The following IL1RN variants were observed in gnomAD, a reference collection of about 807,000 sequenced individuals.
The protein encoded by IL1RN is interleukin 1 receptor antagonist.
In IL1RN, 10 loss-of-function variants were observed where a neutral mutation model predicts 13.7. The observed-to-expected ratio is 0.73, with a 90% CI of 0.45 to 1.24. IL1RN has a LOEUF of 1.24. IL1RN is among the 50% of genes most tolerant of loss of function. IL1RN has a pLI of 0.00. For missense variants in IL1RN, 213 were observed against 222.1 expected (o/e 0.96, Z 0.26); for synonymous variants, 102 against 82.7 (o/e 1.23, Z -1.27).
upstream of IL1RN, among the ~76,000 whole-genome samples, chr2:113,103,299 TAA>T (rs1338178281): frequency 6.6e-6 from 1 of 152,196 alleles, no homozygotes; most frequent in Non-Finnish European, 1.5e-5. Flanking sequence ...TAGAGTCAAT[TAA>T]AGTGTTACCT....
chr2:113,108,259 T>C (rs1686417199), upstream of IL1RN, among the ~76,000 whole-genome samples: 2 of 151,888 alleles, frequency 1.3e-5, no homozygotes. Context: ...GGGTTATAAA[T>C]TTTTTTTATT....
chr2:113,099,799 A>C, the IL1RN span, among the ~76,000 whole-genome samples: 2 of 117,792 alleles, frequency 1.7e-5, no homozygotes, highest in Non-Finnish European at 3.3e-5. Flanking sequence ...CAGTGGCGGG[A>C]TCTCGGCTCA....
chr2:113,108,440 C>T (rs315926), upstream of IL1RN, among the ~76,000 whole-genome samples: 119,338 of 148,938 alleles, frequency 0.8, 48,400 homozygotes, highest in Non-Finnish European at 0.85. Context: ...CCCCAGTGTG[C>T]GATGTTCCCC....
chr2:113,119,817 A>C (rs765335125), intron 1 of IL1RN, among the ~76,000 whole-genome samples: 7 of 152,182 alleles, frequency 4.6e-5, no homozygotes, highest in Non-Finnish European at 1.0e-4. Flanking sequence ...TGGGTAGAGG[A>C]ACCACATTCT....
At chr2:113,127,981 C>A (rs1687024817) in intron 1 of IL1RN, among the ~76,000 whole-genome samples, 1 of 152,214 alleles carries the variant, frequency 6.6e-6, no homozygotes, top group African/African-American at 2.4e-5. Context: ...GACTCAGGAA[C>A]CCAGTGAGTA....
At chr2:113,100,333 A>T in the IL1RN span, among the ~76,000 whole-genome samples, 1 of 150,904 alleles carries the variant, frequency 6.6e-6, no homozygotes, top group Admixed American at 6.6e-5. Flanking sequence ...CTCAAAAAAA[A>T]AAAAAAAAGG....
At chr2:113,132,054 G>T (rs579543) in intron 3 of IL1RN, among the ~76,000 whole-genome samples, 1 of 152,078 alleles carries the variant, frequency 6.6e-6, no homozygotes, top group Non-Finnish European at 1.5e-5. Flanking sequence ...TGATGGTGCC[G>T]TGTATTTACC....
upstream of IL1RN, among the ~76,000 whole-genome samples, chr2:113,125,075 T>A (rs1380831109): frequency 2.0e-5 from 3 of 152,190 alleles, no homozygotes; most frequent in African/African-American, 7.2e-5. Flanking sequence ...GCAAGCCACT[T>A]CTCTTCTGCA....
upstream of IL1RN, among the ~76,000 whole-genome samples, chr2:113,125,128 C>T (rs764329285): frequency 6.6e-5 from 10 of 152,164 alleles, no homozygotes; most frequent in Non-Finnish European, 7.3e-5. Flanking sequence ...CTTCCAATTC[C>T]GGAGGGTTGA....
chr2:113,132,987 G>C lies in IL1RN; in HGVS notation c.*116G>C. 1.0e-6 allele frequency: 1 copy of C among 996,066 alleles called. No individual in the cohort carries two copies. The highest frequency in any genetic ancestry group is 1.6e-6 in the Non-Finnish European group (1 of 631,076). The allele number at this position is 996,066 out of a possible 1,614,324, so 61.7% of individuals were successfully genotyped here. ...CACTGAGGACCAGCCATTGAGGGGT[G>C]GACCCTCAGAAGGCGTCACAACAAC... is the stretch of plus-strand genomic sequence containing the variant. On this transcript the variant is annotated 3_prime_UTR_variant, in exon 4 of 4. Coordinates refer to ENST00000409930, the MANE Select transcript of IL1RN (RefSeq NM_173842.3).
upstream of IL1RN, among the ~76,000 whole-genome samples, chr2:113,124,962 G>A (rs1414619460): frequency 6.6e-6 from 1 of 152,126 alleles, no homozygotes; most frequent in East Asian, 1.9e-4. Flanking sequence ...TTCAGACTGG[G>A]GTCAGAGAAA....
intron 3 of IL1RN, among the ~76,000 whole-genome samples, chr2:113,131,542 C>T (rs4252019): frequency 0.25 from 37,509 of 151,906 alleles, 6,211 homozygotes; most frequent in East Asian, 0.58. Context: ...GTCTAGCCCC[C>T]TGTGAGAGGA....
upstream of IL1RN, among the ~76,000 whole-genome samples, chr2:113,113,689 C>T (rs757743126): frequency 2.6e-5 from 4 of 152,090 alleles, no homozygotes; most frequent in Non-Finnish European, 5.9e-5. Flanking sequence ...GTATACTTAT[C>T]CCCAAACTAA....
intron 2 of IL1RN, among the ~76,000 whole-genome samples, chr2:113,120,713 C>T (rs1471281147): frequency 1.3e-5 from 2 of 152,124 alleles, no homozygotes; most frequent in Non-Finnish European, 2.9e-5. Flanking sequence ...TACCAAAAAT[C>T]CTCCCCAAAT....
At chr2:113,129,278 T>A (rs1212699870) in intron 1 of IL1RN, among the ~76,000 whole-genome samples, 2 of 152,166 alleles carry the variant, frequency 1.3e-5, no homozygotes, top group African/African-American at 2.4e-5. Context: ...ATGTTGCTGC[T>A]CTACAGCATG....
chr2:113,123,362 C>T (rs554670130), upstream of IL1RN, among the ~76,000 whole-genome samples: 118 of 152,280 alleles, frequency 7.7e-4, no homozygotes, highest in South Asian at 2.9e-3. Context: ...TCAAAAACTT[C>T]AGCTGAGTTT....
At chr2:113,132,056 G>A (rs1438607448) in intron 3 of IL1RN, among the ~76,000 whole-genome samples, 1 of 152,216 alleles carries the variant, frequency 6.6e-6, no homozygotes, top group Non-Finnish European at 1.5e-5. Context: ...ATGGTGCCGT[G>A]TATTTACCAG....
upstream of IL1RN, among the ~76,000 whole-genome samples, chr2:113,105,140 G>A (rs890993854): frequency 6.6e-6 from 1 of 152,160 alleles, no homozygotes; most frequent in Non-Finnish European, 1.5e-5. Flanking sequence ...GGCTAGAAGC[G>A]CATTGTGGGT....
At chr2:113,117,715 C>T (rs1325033871), upstream of IL1RN, 52 of 550,952 alleles carry the variant, frequency 9.4e-5, no homozygotes, top group Non-Finnish European at 1.0e-4. Flanking sequence ...TCCCATCTTA[C>T]GCAGATAAGA....
Sources: allele counts gnomAD v4.1 joint callset (sites outside exome capture counted in the v4.1 genomes callset), GRCh38; gene constraint gnomAD v4.1.1; transcripts MANE v1.5; gene names NCBI Gene and HGNC (gene_info 2026-07-23, HGNC 2026-07-21).